Variants in DPF3 observed in about 807,000 individuals in gnomAD.
The protein encoded by DPF3 is zinc finger protein DPF3.
A neutral mutation model predicts 56.8 loss-of-function variants in DPF3; 18 were observed. That is an observed-to-expected ratio of 0.32 (90% CI 0.22 to 0.47). The LOEUF (loss-of-function observed/expected upper bound fraction) is 0.47, where lower values mean the gene tolerates loss of function less well. Ranked by LOEUF, DPF3 falls within the 20% of genes least tolerant of loss-of-function variation. DPF3 has a pLI of 1.00. For synonymous variants in DPF3, 188 were observed against 180.2 expected, an observed-to-expected ratio of 1.04 and a Z score of -0.35; for missense variants, 403 against 488.8, an observed-to-expected ratio of 0.82 and a Z score of 1.65.
intron 1 of DPF3, among the ~76,000 whole-genome samples, chr14:72,851,701 G>A (rs1244130111): frequency 6.6e-6 from 1 of 152,236 alleles, no homozygotes; most frequent in African/African-American, 2.4e-5. Context: ...CCCGAGGGAT[G>A]AGTATTTTGA....
At chr14:72,865,755 A>G (rs957353751) in intron 1 of DPF3, among the ~76,000 whole-genome samples, 6 of 152,202 alleles carry the variant, frequency 3.9e-5, no homozygotes, top group African/African-American at 1.4e-4. Context: ...CTGAATTGAC[A>G]TCAGCACTAG....
chr14:72,636,548 C>A (rs550194542), intron 8 of DPF3, among the ~76,000 whole-genome samples: 1 of 152,162 alleles, frequency 6.6e-6, no homozygotes, highest in African/African-American at 2.4e-5. Flanking sequence ...GAGAAGGAGG[C>A]TCAGTCATTA....
At chr14:72,821,265 C>A (rs1484353694) in intron 1 of DPF3, among the ~76,000 whole-genome samples, 2 of 151,978 alleles carry the variant, frequency 1.3e-5, no homozygotes, top group Admixed American at 1.3e-4. Context: ...GCTTGGGCAA[C>A]AGAGTAGGAC....
At chr14:72,671,206 T>C (rs1886659623) in intron 8 of DPF3, 1 of 1,613,966 alleles carries the variant, frequency 6.2e-7, no homozygotes, top group East Asian at 2.2e-5. Context: ...GGAGCGAGGC[T>C]CTTCCAAATC....
chr14:72,853,301 A>G (rs1885056738), intron 1 of DPF3: 1 of 152,044 alleles, frequency 6.6e-6, no homozygotes, highest in African/African-American at 2.4e-5. Context: ...TGAACAATCA[A>G]TTGAGATAAC....
At chr14:72,653,980 A>G (rs1315291380) in intron 8 of DPF3, among the ~76,000 whole-genome samples, 4 of 152,190 alleles carry the variant, frequency 2.6e-5, no homozygotes, top group African/African-American at 9.7e-5. Flanking sequence ...TCCTATAACC[A>G]CGACAGGATC....
At chr14:72,789,004 C>G (rs1008690849) in intron 1 of DPF3, among the ~76,000 whole-genome samples, 11 of 152,328 alleles carry the variant, frequency 7.2e-5, no homozygotes, top group Admixed American at 4.6e-4. Context: ...GCCTTCCTAT[C>G]CCCAGTCCAG....
At chr14:72,893,008 G>C (rs976718638) in intron 1 of DPF3, among the ~76,000 whole-genome samples, 3 of 125,986 alleles carry the variant, frequency 2.4e-5, no homozygotes, top group Non-Finnish European at 5.2e-5. Context: ...AGGAAGGAAG[G>C]AAGGAAGGAA....
intron 1 of DPF3, among the ~76,000 whole-genome samples, chr14:72,825,683 C>T (rs1883765830): frequency 7.8e-6 from 1 of 128,456 alleles, no homozygotes; most frequent in Non-Finnish European, 1.6e-5. Context: ...AGGGCCCCCA[C>T]AGGCTCTGCC....
chr14:72,863,926 G>A (rs1885557699), intron 1 of DPF3, among the ~76,000 whole-genome samples: 2 of 152,192 alleles, frequency 1.3e-5, no homozygotes, highest in Admixed American at 6.5e-5. Flanking sequence ...CCTGGGGGTC[G>A]GGGAAGAAGT....
At chr14:72,807,967 AAACAACAAC>A (rs377539111) in intron 1 of DPF3, among the ~76,000 whole-genome samples, 7 of 152,108 alleles carry the variant, frequency 4.6e-5, no homozygotes, top group South Asian at 2.1e-4. Context: ...CCTGTCTCTA[AAACAACAAC>A]AACAACAACA....
rs1883942285 is a variant in DPF3, at chr14:72,614,350, C to A, written c.*4947G>T. On this transcript the variant is annotated 3_prime_UTR_variant, in exon 11 of 11. Coordinates refer to ENST00000556509, the MANE Select transcript of DPF3 (RefSeq NM_001280542.3). ...ACCATCCTTCCCCTTCACCTGGTAT[C>A]CAAAAGCATACTTTGGGGATGGGAG... 6.6e-6 allele frequency among the ~76,000 whole-genome samples: 1 copy of A among 152,180 alleles called. No homozygotes were observed.
chr14:72,671,715 G>A (rs1044419065), intron 8 of DPF3, among the ~76,000 whole-genome samples: 1 of 152,166 alleles, frequency 6.6e-6, no homozygotes, highest in Admixed American at 6.5e-5. Context: ...GATTTCTTTG[G>A]TGTTTTCTGT....
intron 1 of DPF3, chr14:72,892,419 G>A (rs1052620885): frequency 1.2e-5 from 18 of 1,479,274 alleles, no homozygotes; most frequent in African/African-American, 2.8e-5. Flanking sequence ...GAAGCCAGGA[G>A]CTCCTATCTG....
At chr14:72,781,072 G>A (rs1358091671) in intron 1 of DPF3, among the ~76,000 whole-genome samples, 1 of 152,230 alleles carries the variant, frequency 6.6e-6, no homozygotes, top group African/African-American at 2.4e-5. Context: ...TCTAAAACAA[G>A]GGCATGAATG....
At chr14:72,680,847 G>A (rs754467728) in intron 7 of DPF3, among the ~76,000 whole-genome samples, 6 of 152,236 alleles carry the variant, frequency 3.9e-5, no homozygotes, top group East Asian at 1.9e-4. Context: ...CTGCGTTGCC[G>A]ATCTAGAGGC....
chr14:72,739,903 A>G (rs1321484853), intron 3 of DPF3, among the ~76,000 whole-genome samples: 1 of 152,228 alleles, frequency 6.6e-6, no homozygotes, highest in Non-Finnish European at 1.5e-5. Context: ...CTAGCAAGAG[A>G]GAAACAATAC....
intron 1 of DPF3, among the ~76,000 whole-genome samples, chr14:72,834,177 C>T (rs564024069): frequency 2.8e-3 from 423 of 148,722 alleles, no homozygotes; most frequent in Non-Finnish European, 4.9e-3. Context: ...GACTCTGTCT[C>T]AAAACAAACA....
chr14:72,853,573 C>G (rs1421257394), intron 1 of DPF3, among the ~76,000 whole-genome samples: 2 of 144,808 alleles, frequency 1.4e-5, no homozygotes, highest in African/African-American at 5.1e-5. Context: ...CTCCCAGATT[C>G]AAGTGATTCT....
Sources: gnomAD v4.1 joint callset for allele counts (sites outside exome capture counted in the v4.1 genomes callset) on GRCh38, gnomAD v4.1.1 for gene constraint, MANE v1.5 for transcripts, NCBI Gene and HGNC (gene_info 2026-07-23, HGNC 2026-07-21) for gene names.